GPR39: variants seen among roughly 807,000 people sequenced by gnomAD.
GPR39 encodes the protein zinc sensing receptor.
Under a neutral mutation model 18.4 loss-of-function variants are expected in GPR39, and 23 were observed. That is an observed-to-expected ratio of 1.25 (90% CI 0.90 to 1.77). The LOEUF (loss-of-function observed/expected upper bound fraction) is 1.77. Ranked by LOEUF, GPR39 falls within the 40% of genes most tolerant of loss-of-function variation. The pLI, the probability that GPR39 is intolerant of heterozygous loss-of-function variation, is 0.00. For missense variants in GPR39, 647 were observed against 602.4 expected (o/e 1.07, Z -0.78); for synonymous variants, 280 against 257.9 (o/e 1.09, Z -0.82).
At chr2:132,610,762 G>GTCT (rs1472864321) in intron 1 of GPR39, among the ~76,000 whole-genome samples, 1 of 130,712 alleles carries the variant, frequency 7.7e-6, no homozygotes, top group African/African-American at 3.1e-5. Context: ...GGGCAACAGA[G>GTCT]CGAGACTCTG....
chr2:132,417,941 C>G, intron 1 of GPR39, 43 bp downstream of exon 1: 1 of 1,535,062 alleles, frequency 6.5e-7, no homozygotes, highest in Non-Finnish European at 8.7e-7. Context: ...GCTTCCCAAC[C>G]TTCCCCCACG....
At chr2:132,605,754 G>A (rs1334877967) in intron 1 of GPR39, among the ~76,000 whole-genome samples, 3 of 152,286 alleles carry the variant, frequency 2.0e-5, no homozygotes, top group African/African-American at 7.2e-5. Flanking sequence ...GTGTTCAGTC[G>A]GCTGAGCAGC....
At chr2:132,463,308 C>A (rs11679005) in intron 1 of GPR39, among the ~76,000 whole-genome samples, 32,104 of 151,998 alleles carry the variant, frequency 0.21, 3,733 homozygotes, top group Middle Eastern at 0.36. Flanking sequence ...GAAAGCAGGG[C>A]TAGGGTTCTC....
rs149645252 is a variant in GPR39 at position 132,595,784 on chromosome 2, C to T, written c.857-49317C>T. On this transcript the variant is annotated intron_variant, in intron 1 of 1. Transcript: ENST00000329321. ...CAAGCCCCTGTGTCATGAGAACCAGCGCAGCAGCTCCAATTTTACTGCTGA... is the reference window on the plus strand; with the variant it reads ...CAAGCCCCTGTGTCATGAGAACCAGTGCAGCAGCTCCAATTTTACTGCTGA... 1.3e-3 allele frequency among the ~76,000 whole-genome samples: 194 copies of T among 152,230 alleles called. 1 individual carries two copies. The highest frequency in any genetic ancestry group is 4.3e-3 in the African/African-American group (177 of 41,526).
In GPR39 at chr2:132,417,427, C is replaced by T. The variant is rs778674627; in HGVS notation, c.385C>T (p.Leu129Phe). Residue 129 changes from leucine (L) to phenylalanine (F), a missense_variant, in exon 1 of 2, where the codon CTC (leucine) becomes TTC (phenylalanine). Leu to Phe is a conservative substitution (Grantham distance 22). This residue lies in a region of GPR39 where 581 missense variants were observed against 506.8 expected (regional missense o/e 1.15). Transcript: ENST00000329321. Reference protein sequence around the residue: ...SYATLLHVLTLSFERYIAICH... With the variant: ...SYATLLHVLTFSFERYIAICH... The stretch of plus-strand genomic sequence containing the variant: ...CGCTACGCTGCTGCACGTGCTGACA[C>T]TCAGCTTTGAGCGCTACATCGCCAT... The T allele has an allele frequency of 3.1e-6, 5 of 1,614,218 alleles. No homozygotes were observed. The East Asian group carries it at 8.9e-5, about 29-fold the overall frequency.
intron 1 of GPR39, among the ~76,000 whole-genome samples, chr2:132,633,947 A>C (rs983058143): frequency 6.3e-5 from 9 of 142,672 alleles, no homozygotes; most frequent in African/African-American, 2.4e-4. Flanking sequence ...GTGTTGGTAG[A>C]GGTGGAGGCA....
At chr2:132,509,839 C>A (rs1679208275) in intron 1 of GPR39, among the ~76,000 whole-genome samples, 2 of 152,104 alleles carry the variant, frequency 1.3e-5, no homozygotes, top group African/African-American at 2.4e-5. Context: ...CCTTGACTCA[C>A]CTGTCTGCAA....
Position 132,516,647 on chromosome 2 carries a change from A to G in GPR39, c.856+98749A>G, listed in dbSNP as rs977021308. Among the ~76,000 whole-genome samples the G allele has an allele frequency of 1.1e-4, 16 of 152,184 alleles. 1 individual carries two copies. The highest frequency in any genetic ancestry group is 3.6e-4 in the African/African-American group (15 of 41,444). On this transcript the variant is annotated intron_variant, in intron 1 of 1. Transcript: ENST00000329321. ...TCAGGAAAGGTATTCTCACATTTGT[A>G]CCTACAGTTACCTCCTAGGTAAAGC...
At chr2:132,433,608 T>C (rs1178876569) in intron 1 of GPR39, 1 of 151,584 alleles carries the variant, frequency 6.6e-6, no homozygotes, top group Admixed American at 6.6e-5. Context: ...TTTTGACATG[T>C]ACTATACATT....
At chr2:132,548,963 C>T (rs1015900144) in intron 1 of GPR39, among the ~76,000 whole-genome samples, 1 of 152,192 alleles carries the variant, frequency 6.6e-6, no homozygotes, top group Non-Finnish European at 1.5e-5. Context: ...CCCTGTGATT[C>T]ACTGTCACAG....
chr2:132,580,342 T>G lies in GPR39; in HGVS notation c.857-64759T>G, dbSNP rs370339357. Reference sequence around the variant, plus strand: ...AGGGTTTTCCCAGGATGGGAACCATTTCCCGTTTTCCTTTCGTTTGACAAA... The same window carrying G: ...AGGGTTTTCCCAGGATGGGAACCATGTCCCGTTTTCCTTTCGTTTGACAAA... On this transcript the variant is annotated intron_variant, in intron 1 of 1. Coordinates refer to ENST00000329321, the MANE Select transcript of GPR39 (RefSeq NM_001508.3). Among the ~76,000 whole-genome samples the G allele has an allele frequency of 1.7e-4, 26 of 152,316 alleles. No homozygotes were observed. In the East Asian group the frequency reaches 2.1e-3, roughly 12 times the overall value.
intron 1 of GPR39, among the ~76,000 whole-genome samples, chr2:132,418,118 G>A (rs528675939): frequency 6.6e-6 from 1 of 152,346 alleles, no homozygotes; most frequent in African/African-American, 2.4e-5. Flanking sequence ...ATGGTGAAAA[G>A]AGCACGAGAC....
intron 1 of GPR39, among the ~76,000 whole-genome samples, chr2:132,527,557 A>G (rs1382175354): frequency 1.3e-5 from 2 of 152,212 alleles, no homozygotes; most frequent in Non-Finnish European, 2.9e-5. Context: ...ATTCCTACCA[A>G]CAGTATAAAA....
At chr2:132,507,216 A>G (rs1240144099) in intron 1 of GPR39, among the ~76,000 whole-genome samples, 1 of 152,220 alleles carries the variant, frequency 6.6e-6, no homozygotes, top group Non-Finnish European at 1.5e-5. Context: ...TTTTATTTAT[A>G]TATAGACATG....
chr2:132,522,722 G>A (rs1031974070), intron 1 of GPR39, among the ~76,000 whole-genome samples: 1 of 152,170 alleles, frequency 6.6e-6, no homozygotes, highest in Non-Finnish European at 1.5e-5. Flanking sequence ...TCTTGTCTGA[G>A]TAGAAGCTGC....
rs140447053 is a variant in GPR39 at position 132,549,891 on chromosome 2, C to G, written c.857-95210C>G. On this transcript the variant is annotated intron_variant, in intron 1 of 1. Transcript: ENST00000329321. Reference sequence around the variant, plus strand: ...TCTTTATTGTTAACCTATGTTGATGCCAAGAGATCAGTGTGTCTTTTTGTG... The same window carrying G: ...TCTTTATTGTTAACCTATGTTGATGGCAAGAGATCAGTGTGTCTTTTTGTG... Among the ~76,000 whole-genome samples the G allele has an allele frequency of 1.0e-3, 159 of 152,274 alleles. 1 individual carries two copies. The East Asian group carries it at 0.029, about 28-fold the overall frequency.
intron 1 of GPR39, among the ~76,000 whole-genome samples, chr2:132,454,124 T>G (rs1357472700): frequency 3.3e-5 from 5 of 152,256 alleles, no homozygotes; most frequent in Non-Finnish European, 5.9e-5. Flanking sequence ...CATGGAATGT[T>G]CTTCCATTTG....
intron 1 of GPR39, among the ~76,000 whole-genome samples, chr2:132,494,805 GT>G (rs149926079): frequency 0.01 from 1,526 of 152,050 alleles, 30 homozygotes; most frequent in African/African-American, 0.035. Flanking sequence ...TTTGATGTTT[GT>G]TTTTCTTATC....
At chr2:132,518,406 G>A (rs1003592083) in intron 1 of GPR39, among the ~76,000 whole-genome samples, 1 of 152,154 alleles carries the variant, frequency 6.6e-6, no homozygotes, top group African/African-American at 2.4e-5. Flanking sequence ...TAAAAAAATT[G>A]TTATTGAATT....
Sources: gnomAD v4.1 joint callset for allele counts (sites outside exome capture counted in the v4.1 genomes callset) on GRCh38, gnomAD v4.1.1 for gene constraint, gnomAD v4.1.1 regional missense constraint, MANE v1.5 for transcripts, NCBI Gene and HGNC (gene_info 2026-07-23, HGNC 2026-07-21) for gene names.